CSTF3: variants seen among roughly 807,000 people sequenced by gnomAD.
CSTF3 encodes the protein cleavage stimulation factor subunit 3, also known as CF-1 77 kDa subunit.
CSTF3 carries 29 observed loss-of-function variants against 105.8 expected under a neutral mutation model. The observed-to-expected ratio is 0.27, with a 90% CI of 0.20 to 0.37. The LOEUF (loss-of-function observed/expected upper bound fraction) is 0.37. Among genes scored for constraint, CSTF3 ranks in the 10% least tolerant of loss-of-function variants. The pLI is 1.00. For missense variants in CSTF3, 357 were observed against 879.3 expected (o/e 0.41, Z 7.51); for synonymous variants, 252 against 281.9 (o/e 0.89, Z 1.06).
chr11:33,133,271 C>G (rs1353356255), intron 3 of CSTF3, among the ~76,000 whole-genome samples: 1 of 152,078 alleles, frequency 6.6e-6, no homozygotes, highest in African/African-American at 2.4e-5. Flanking sequence ...ACTGATTCAA[C>G]CAAGAATCAA....
At chr11:33,112,218 C>T (rs1855386365) in intron 3 of CSTF3, among the ~76,000 whole-genome samples, 3 of 151,414 alleles carry the variant, frequency 2.0e-5, no homozygotes, top group South Asian at 4.2e-4. Context: ...TGTGCCATTT[C>T]ACTGCAGCCT....
intron 1 of CSTF3, among the ~76,000 whole-genome samples, chr11:33,155,110 G>A (rs896985294): frequency 7.9e-5 from 12 of 151,398 alleles, no homozygotes; most frequent in African/African-American, 2.4e-4. Context: ...TAATCCCAGC[G>A]CTTTGGAAGG....
At chr11:33,108,459 TTA>T in intron 3 of CSTF3, 41 bp from the exon 4 acceptor site, 1 of 1,389,398 alleles carries the variant, frequency 7.2e-7, no homozygotes, top group African/African-American at 1.5e-5. Flanking sequence ...TACTATTTTT[TTA>T]GAGCATCAGT....
chr11:33,153,819 C>A (rs1218818619), intron 1 of CSTF3, among the ~76,000 whole-genome samples: 2 of 151,302 alleles, frequency 1.3e-5, no homozygotes, highest in Non-Finnish European at 2.9e-5. Context: ...AAGTAGGGAT[C>A]AGTTAAAGTG....
intron 15 of CSTF3, among the ~76,000 whole-genome samples, chr11:33,093,800 C>T (rs1248749976): frequency 6.6e-6 from 1 of 152,120 alleles, no homozygotes; most frequent in African/African-American, 2.4e-5. Context: ...GTCTGTCTCC[C>T]AGGTTCAAGC....
At chr11:33,151,638 GAAT>G (rs1855861700) in intron 1 of CSTF3, among the ~76,000 whole-genome samples, 1 of 152,132 alleles carries the variant, frequency 6.6e-6, no homozygotes, top group Non-Finnish European at 1.5e-5. Flanking sequence ...TGGCTATTAT[GAAT>G]AATGTTACTA....
chr11:33,125,135 G>A (rs570736029), intron 3 of CSTF3, among the ~76,000 whole-genome samples: 2 of 152,254 alleles, frequency 1.3e-5, no homozygotes, highest in Non-Finnish European at 2.9e-5. Context: ...AGAACTTCAA[G>A]TAGACACATT....
chr11:33,148,938 T>A (rs1029460249), intron 1 of CSTF3, among the ~76,000 whole-genome samples: 2 of 150,294 alleles, frequency 1.3e-5, no homozygotes, highest in Non-Finnish European at 3.0e-5. Context: ...GTGATCCTCC[T>A]GTCTCAGCCT....
At chr11:33,122,930 A>AAAAAG (rs1565011146) in intron 3 of CSTF3, among the ~76,000 whole-genome samples, 2 of 149,084 alleles carry the variant, frequency 1.3e-5, no homozygotes, top group African/African-American at 5.0e-5. Flanking sequence ...AAAAAAAAAA[A>AAAAAG]AAAAGAAAAG....
intron 3 of CSTF3, 49 bp downstream of exon 3, chr11:33,141,618 A>G (rs377074529): frequency 5.1e-6 from 8 of 1,564,034 alleles, no homozygotes; most frequent in Non-Finnish European, 6.9e-6. Flanking sequence ...CTATCACTAC[A>G]GTGAATGCTG....
intron 3 of CSTF3, chr11:33,141,329 A>C (rs960204656): frequency 2.5e-4 from 109 of 442,724 alleles, no homozygotes; most frequent in African/African-American, 2.1e-3. Context: ...CATTCATATT[A>C]GTTTGTAAGT....
intron 16 of CSTF3, 65 bp from the exon 17 acceptor site, chr11:33,090,792 C>G (rs757572408): frequency 9.1e-7 from 1 of 1,097,390 alleles, no homozygotes. Flanking sequence ...AGTTCATTTA[C>G]AAAAACGCCT....
chr11:33,090,838 G>A, intron 16 of CSTF3, 111 bp from the exon 17 acceptor site: 1 of 606,702 alleles, frequency 1.6e-6, no homozygotes. Flanking sequence ...TATAAAAAGT[G>A]ACTTTTTATT....
Position 33,113,511 on chromosome 11 carries a change from T to C in CSTF3, c.226-5093A>G, listed in dbSNP as rs116275623. 9.2e-3 allele frequency among the ~76,000 whole-genome samples: 1,404 copies of C among 152,184 alleles called. 28 individuals carry two copies. The highest frequency in any genetic ancestry group is 0.032 in the African/African-American group (1,326 of 41,526). Reference sequence around the variant, plus strand: ...CAGCCTGGGTGACACAGCAAGACCCTGTCTAAACAAACAAACAAACAAAAA... The same window carrying C: ...CAGCCTGGGTGACACAGCAAGACCCCGTCTAAACAAACAAACAAACAAAAA... On this transcript the variant is annotated intron_variant, in intron 3 of 20. Coordinates refer to ENST00000323959, the MANE Select transcript of CSTF3 (RefSeq NM_001326.3).
At chr11:33,141,470 T>C in intron 3 of CSTF3, 197 bp downstream of exon 3, 1 of 1,305,846 alleles carries the variant, frequency 7.7e-7, no homozygotes, top group Non-Finnish European at 9.7e-7. Context: ...AACTCCAAAA[T>C]GCAACAATCA....
intron 3 of CSTF3, among the ~76,000 whole-genome samples, chr11:33,117,073 T>C (rs374627430): frequency 1.3e-5 from 2 of 151,860 alleles, no homozygotes; most frequent in African/African-American, 4.8e-5. Context: ...AATAAGACAG[T>C]GGAATTAAAG....
intron 3 of CSTF3, among the ~76,000 whole-genome samples, chr11:33,110,193 T>G (rs1855365977): frequency 6.6e-6 from 1 of 152,204 alleles, no homozygotes; most frequent in Admixed American, 6.6e-5. Context: ...TGAAGCTGTG[T>G]TGGCAGTCCT....
chr11:33,137,966 T>C (rs959422404), intron 3 of CSTF3, among the ~76,000 whole-genome samples: 1 of 151,806 alleles, frequency 6.6e-6, no homozygotes, highest in Non-Finnish European at 1.5e-5. Context: ...GACACTCATG[T>C]TGCATCCTGA....
intron 3 of CSTF3, among the ~76,000 whole-genome samples, chr11:33,125,468 A>T (rs2133789464): frequency 6.6e-6 from 1 of 152,340 alleles, no homozygotes; most frequent in Admixed American, 6.5e-5. Flanking sequence ...GGTATAATTC[A>T]GGCTGAGTCT....
Sources: allele counts gnomAD v4.1 joint callset (sites outside exome capture counted in the v4.1 genomes callset), GRCh38; gene constraint gnomAD v4.1.1; transcripts MANE v1.5; gene names NCBI Gene and HGNC (gene_info 2026-07-23, HGNC 2026-07-21).